The following PPFIBP2 variants were observed in gnomAD, a reference collection of about 807,000 sequenced individuals.
PPFIBP2 encodes the protein liprin-beta-2.
Under a neutral mutation model 118.3 loss-of-function variants are expected in PPFIBP2, and 118 were observed. That is an observed-to-expected ratio of 1.00 (90% CI 0.86 to 1.16). The LOEUF (loss-of-function observed/expected upper bound fraction) is 1.16. PPFIBP2 is among the 50% of genes most tolerant of loss of function. The pLI is 0.00. For synonymous variants in PPFIBP2, 414 were observed against 397.4 expected (o/e 1.04, Z -0.50); for missense variants, 1,195 against 1,073.1 (o/e 1.11, Z -1.59).
chr11:7,628,753 A>T (rs1403479750), intron 9 of PPFIBP2, among the ~76,000 whole-genome samples: 2 of 152,236 alleles, frequency 1.3e-5, no homozygotes, highest in Non-Finnish European at 2.9e-5. Flanking sequence ...TTACCCTGCC[A>T]TCTTATATCC....
At chr11:7,600,253 G>C (rs1457574500) in intron 5 of PPFIBP2, among the ~76,000 whole-genome samples, 1 of 152,176 alleles carries the variant, frequency 6.6e-6, no homozygotes, top group Non-Finnish European at 1.5e-5. Flanking sequence ...TCATGTGTTC[G>C]CTGGGCTGGG....
At chr11:7,625,470 C>T (rs1316538120) in intron 7 of PPFIBP2, among the ~76,000 whole-genome samples, 2 of 152,256 alleles carry the variant, frequency 1.3e-5, no homozygotes, top group Non-Finnish European at 2.9e-5. Flanking sequence ...TGCACACAAT[C>T]CCAGCTCCTC....
chr11:7,588,870 A>G (rs1055397470), intron 3 of PPFIBP2, among the ~76,000 whole-genome samples: 3 of 152,212 alleles, frequency 2.0e-5, no homozygotes, highest in African/African-American at 7.2e-5. Flanking sequence ...GAGAGGTAGT[A>G]TGTTTCACTG....
At chr11:7,604,836 A>C (rs1398928557) in intron 5 of PPFIBP2, among the ~76,000 whole-genome samples, 3 of 152,146 alleles carry the variant, frequency 2.0e-5, no homozygotes, top group Non-Finnish European at 2.9e-5. Flanking sequence ...GGCAGTACAG[A>C]AGTGAGGGAG....
chr11:7,628,255 A>G, intron 8 of PPFIBP2, 30 bp from the exon 9 acceptor site: 1 of 1,588,088 alleles, frequency 6.3e-7, no homozygotes, highest in Non-Finnish European at 8.6e-7. Flanking sequence ...ATTTATATAA[A>G]TAATTATTTC....
At chr11:7,609,336 G>GT in intron 5 of PPFIBP2, among the ~76,000 whole-genome samples, 1 of 152,250 alleles carries the variant, frequency 6.6e-6, no homozygotes, top group Non-Finnish European at 1.5e-5. Flanking sequence ...TTGCTTTCCT[G>GT]GTTGCTGTGT....
chr11:7,580,340 G>A (rs1471100702), intron 3 of PPFIBP2, among the ~76,000 whole-genome samples: 1 of 152,182 alleles, frequency 6.6e-6, no homozygotes, highest in Non-Finnish European at 1.5e-5. Context: ...TTCAGCTGAG[G>A]TGGTGTGGAG....
At chr11:7,546,478 T>C (rs1012517539) in intron 1 of PPFIBP2, among the ~76,000 whole-genome samples, 16 of 152,220 alleles carry the variant, frequency 1.1e-4, no homozygotes, top group African/African-American at 2.7e-4. Context: ...TTATGGCCCT[T>C]CTGTTGCGGG....
intron 3 of PPFIBP2, among the ~76,000 whole-genome samples, chr11:7,585,221 A>G (rs1351353400): frequency 6.6e-6 from 1 of 152,236 alleles, no homozygotes; most frequent in Non-Finnish European, 1.5e-5. Context: ...TTACCTGGCC[A>G]AGATGACAAC....
chr11:7,531,664 T>C (rs1379202939), intron 1 of PPFIBP2, among the ~76,000 whole-genome samples: 1 of 151,942 alleles, frequency 6.6e-6, no homozygotes, highest in Non-Finnish European at 1.5e-5. Context: ...GTGTGTAGGA[T>C]CAAATGGGGG....
At chr11:7,651,631 A>G in intron 22 of PPFIBP2, 25 bp from the exon 23 acceptor site, 2 of 1,579,224 alleles carry the variant, frequency 1.3e-6, no homozygotes, top group Non-Finnish European at 1.7e-6. Context: ...GCTCCTGGCC[A>G]GGCTTGTCTC....
At chr11:7,586,941 C>G (rs896389935) in intron 3 of PPFIBP2, among the ~76,000 whole-genome samples, 3 of 152,172 alleles carry the variant, frequency 2.0e-5, no homozygotes, top group African/African-American at 7.2e-5. Flanking sequence ...GTTATTTACC[C>G]TTCATTTATT....
At chr11:7,609,061 A>G (rs1055853248) in intron 5 of PPFIBP2, among the ~76,000 whole-genome samples, 2 of 152,256 alleles carry the variant, frequency 1.3e-5, no homozygotes, top group South Asian at 2.1e-4. Context: ...TCAGACTAGC[A>G]GATGAACAGT....
chr11:7,652,573 C>T (rs1210224699), intron 23 of PPFIBP2, among the ~76,000 whole-genome samples: 2 of 152,190 alleles, frequency 1.3e-5, no homozygotes, highest in African/African-American at 4.8e-5. Flanking sequence ...AGAAACAGTG[C>T]TGGATGACGC....
At chr11:7,583,641 C>T (rs1857600218) in intron 3 of PPFIBP2, among the ~76,000 whole-genome samples, 1 of 152,142 alleles carries the variant, frequency 6.6e-6, no homozygotes, top group African/African-American at 2.4e-5. Context: ...GAGAATTTAG[C>T]AGTGACCAAG....
chr11:7,550,518 G>C (rs1161748029), intron 2 of PPFIBP2, among the ~76,000 whole-genome samples: 3 of 152,290 alleles, frequency 2.0e-5, no homozygotes, highest in African/African-American at 7.2e-5. Flanking sequence ...TCAGGTTATT[G>C]TTGGTAATGT....
chr11:7,645,511 A>G (rs1205437353), intron 17 of PPFIBP2, among the ~76,000 whole-genome samples: 2 of 152,222 alleles, frequency 1.3e-5, no homozygotes, highest in East Asian at 1.9e-4. Flanking sequence ...GTTTGGCTGT[A>G]TATGAAGGGT....
At chr11:7,528,980 G>C (rs1283086738) in intron 1 of PPFIBP2, among the ~76,000 whole-genome samples, 1 of 152,142 alleles carries the variant, frequency 6.6e-6, no homozygotes, top group African/African-American at 2.4e-5. Context: ...TCCTCAGGGT[G>C]GACCCAGGGT....
intron 4 of PPFIBP2, among the ~76,000 whole-genome samples, chr11:7,596,252 AC>A (rs1259400705): frequency 3.9e-5 from 6 of 152,138 alleles, no homozygotes; most frequent in Non-Finnish European, 8.8e-5. Context: ...AGCAAAGCCC[AC>A]CCCCAGAGTC....
Sources: allele counts gnomAD v4.1 joint callset (sites outside exome capture counted in the v4.1 genomes callset), GRCh38; gene constraint gnomAD v4.1.1; transcripts MANE v1.5; gene names NCBI Gene and HGNC (gene_info 2026-07-23, HGNC 2026-07-21).